Variants in TMEM200A observed in about 807,000 individuals in gnomAD.
TMEM200A encodes the protein two transmembrane C.
Under a neutral mutation model 24.3 loss-of-function variants are expected in TMEM200A, and 12 were observed. The observed-to-expected ratio is 0.49, with a 90% CI of 0.32 to 0.80. The LOEUF is 0.80. TMEM200A is among the 30% of genes least tolerant of loss of function. The probability of loss-of-function intolerance (pLI) is 0.04; values close to 1 mark genes in which losing one functional copy is unlikely to be tolerated. For synonymous variants in TMEM200A, 224 were observed against 224.4 expected (o/e 1.00, Z 0.02); for missense variants, 545 against 614.4 (o/e 0.89, Z 1.19).
At chr6:130,397,502 G>A (rs917469729) in intron 2 of TMEM200A, among the ~76,000 whole-genome samples, 7 of 151,892 alleles carry the variant, frequency 4.6e-5, no homozygotes, top group Non-Finnish European at 8.8e-5. Context: ...CCTTAATAAT[G>A]TTTTTCCCCC....
intron 2 of TMEM200A, among the ~76,000 whole-genome samples, chr6:130,418,199 T>C (rs1479434405): frequency 6.6e-6 from 1 of 152,154 alleles, no homozygotes. Flanking sequence ...TGTCAGAGGA[T>C]TGCACAAAAC....
intron 2 of TMEM200A, among the ~76,000 whole-genome samples, chr6:130,391,945 G>A (rs541035918): frequency 5.7e-4 from 86 of 151,824 alleles, no homozygotes; most frequent in African/African-American, 1.8e-3. Flanking sequence ...AAGTTTCACC[G>A]CGTTAGCCAG....
intron 2 of TMEM200A, among the ~76,000 whole-genome samples, chr6:130,426,835 TC>T (rs773646624): frequency 6.6e-6 from 1 of 152,200 alleles, no homozygotes; most frequent in Non-Finnish European, 1.5e-5. Flanking sequence ...TTAAACAGAT[TC>T]TTGAGTATAA....
intron 2 of TMEM200A, among the ~76,000 whole-genome samples, chr6:130,393,994 GATGAATGAGTTTCTGTTCCC>G (rs1172230954): frequency 6.6e-6 from 1 of 152,152 alleles, no homozygotes; most frequent in Non-Finnish European, 1.5e-5. Flanking sequence ...TGATTGGAAT[GATGAATGAGTTTCTGTTCCC>G]ATTATTTTAC....
At chr6:130,391,528 CTG>C in intron 2 of TMEM200A, among the ~76,000 whole-genome samples, 1 of 152,186 alleles carries the variant, frequency 6.6e-6, no homozygotes, top group Non-Finnish European at 1.5e-5. Context: ...CTCTTAAACT[CTG>C]TAGCAATTCC....
intron 1 of TMEM200A, among the ~76,000 whole-genome samples, chr6:130,373,925 T>G (rs1337212314): frequency 1.3e-5 from 2 of 152,232 alleles, no homozygotes; most frequent in Non-Finnish European, 2.9e-5. Context: ...AAAAAAAGAA[T>G]AGTTTATGCT....
chr6:130,428,004 G>C (rs556878447), intron 2 of TMEM200A, among the ~76,000 whole-genome samples: 3 of 152,240 alleles, frequency 2.0e-5, no homozygotes, highest in Admixed American at 2.0e-4. Flanking sequence ...TATCCTTGTA[G>C]AAAGTGGTAG....
chr6:130,405,200 A>G (rs1234939015), intron 2 of TMEM200A, among the ~76,000 whole-genome samples: 2 of 152,120 alleles, frequency 1.3e-5, no homozygotes, highest in African/African-American at 4.8e-5. Context: ...AAGAATCTCA[A>G]TGGTAGTTTC....
intron 2 of TMEM200A, among the ~76,000 whole-genome samples, chr6:130,431,223 C>T (rs566557355): frequency 3.3e-5 from 5 of 152,152 alleles, no homozygotes; most frequent in South Asian, 2.1e-4. Flanking sequence ...CTAAAATCAC[C>T]GGAAATGATA....
chr6:130,397,996 G>A (rs1338904052), intron 2 of TMEM200A, among the ~76,000 whole-genome samples: 4 of 151,168 alleles, frequency 2.6e-5, no homozygotes, highest in Non-Finnish European at 2.9e-5. Context: ...TTTTAGGTTC[G>A]GGGGTACATT....
chr6:130,434,905 A>G (rs1382050883), intron 2 of TMEM200A, among the ~76,000 whole-genome samples: 1 of 152,104 alleles, frequency 6.6e-6, no homozygotes, highest in Non-Finnish European at 1.5e-5. Context: ...AATGAATCTC[A>G]GATTTATGTA....
intron 2 of TMEM200A, among the ~76,000 whole-genome samples, chr6:130,414,195 C>A (rs926489028): frequency 6.6e-6 from 1 of 151,914 alleles, no homozygotes; most frequent in African/African-American, 2.4e-5. Context: ...ACTTTAGGAG[C>A]CTGAAGTGTG....
At chr6:130,427,900 ATCTCT>A in intron 2 of TMEM200A, among the ~76,000 whole-genome samples, 1 of 152,064 alleles carries the variant, frequency 6.6e-6, no homozygotes, top group Admixed American at 6.6e-5. Context: ...TTGGCTTGCT[ATCTCT>A]AACAGGACAT....
intron 1 of TMEM200A, among the ~76,000 whole-genome samples, chr6:130,368,312 A>G (rs1167770778): frequency 6.6e-6 from 1 of 152,238 alleles, no homozygotes; most frequent in Non-Finnish European, 1.5e-5. Context: ...AGAAATTCAT[A>G]TTTAGCTTAG....
At chr6:130,407,074 G>T (rs1779223921) in intron 2 of TMEM200A, among the ~76,000 whole-genome samples, 1 of 152,124 alleles carries the variant, frequency 6.6e-6, no homozygotes, top group South Asian at 2.1e-4. Flanking sequence ...TACGGGGAGA[G>T]TGAAGCCTCC....
intron 2 of TMEM200A, among the ~76,000 whole-genome samples, chr6:130,423,053 CTT>C (rs1406709738): frequency 6.6e-6 from 1 of 152,156 alleles, no homozygotes; most frequent in African/African-American, 2.4e-5. Flanking sequence ...ATGTATGTGA[CTT>C]TGAAGAAATG....
intron 2 of TMEM200A, among the ~76,000 whole-genome samples, chr6:130,402,461 C>T (rs1779112405): frequency 6.6e-6 from 1 of 152,026 alleles, no homozygotes; most frequent in Non-Finnish European, 1.5e-5. Flanking sequence ...TTTTATTATG[C>T]TTATGAGAAT....
At chr6:130,422,355 G>T (rs564939294) in intron 2 of TMEM200A, among the ~76,000 whole-genome samples, 1 of 152,194 alleles carries the variant, frequency 6.6e-6, no homozygotes, top group Non-Finnish European at 1.5e-5. Flanking sequence ...TGCAACTTCC[G>T]CCTCCGGGGT....
At chr6:130,404,962 A>G (rs924262970) in intron 2 of TMEM200A, among the ~76,000 whole-genome samples, 1 of 152,086 alleles carries the variant, frequency 6.6e-6, no homozygotes, top group African/African-American at 2.4e-5. Flanking sequence ...AAGATCAAAT[A>G]GTTATAGTTG....
Sources: allele counts gnomAD v4.1 joint callset (sites outside exome capture counted in the v4.1 genomes callset), GRCh38; gene constraint gnomAD v4.1.1; transcripts MANE v1.5; gene names NCBI Gene and HGNC (gene_info 2026-07-23, HGNC 2026-07-21).